Variants in SIM1 observed in about 807,000 individuals in gnomAD.
SIM1 encodes SIM bHLH transcription factor 1.
SIM1 carries 18 observed loss-of-function variants against 78.2 expected under a neutral mutation model. That is an observed-to-expected ratio of 0.23 (90% confidence interval 0.16 to 0.34). SIM1 has a LOEUF of 0.34. Ranked by LOEUF, SIM1 falls within the 10% of genes least tolerant of loss-of-function variation. The pLI is 1.00. For synonymous variants in SIM1, 417 were observed against 385.2 expected, an observed-to-expected ratio of 1.08 and a Z score of -0.97; for missense variants, 939 against 975.1, an observed-to-expected ratio of 0.96 and a Z score of 0.49.
In SIM1 at chr6:100,390,526, T is replaced by A. The variant is rs778673610; in HGVS notation, c.2136A>T (p.Thr712=). The A allele has an allele frequency of 1.2e-6, 2 of 1,614,144 alleles. No individual in the cohort carries two copies. Among genetic ancestry groups the A allele is most frequent in the Non-Finnish European group, 8.5e-7 (1 of 1,180,024 alleles). The change falls in exon 12 of 12, where the codon ACA becomes ACT. Residue 712 remains threonine (T), a synonymous_variant. Transcript: ENST00000369208. ...HRQYFDKHAY[T]LTGYALEHLY... ...AGTGCTCCAGGGCATATCCAGTTAA[T>A]GTGTAAGCATGCTTGTCAAAATACT...
At position 100,389,466 on chromosome 6, in the gene SIM1, T is replaced by G. The variant is rs915454239; in HGVS notation, c.*895A>C. ...AATTGGTTTGAATTTTTTATTTAGT[T>G]GGTTTTACAAGCAAACCCCAAATAT... On this transcript the variant is annotated 3_prime_UTR_variant, in exon 12 of 12. Transcript: ENST00000369208. The G allele has an allele frequency of 1.8e-5, 7 of 396,530 alleles. No individual in the cohort carries two copies. The highest frequency in any genetic ancestry group is 2.7e-5 in the Non-Finnish European group (6 of 225,090). The allele number at this position is 396,530 out of a possible 1,614,324, so 24.6% of individuals were successfully genotyped here.
chr6:100,423,754 G>C (rs533259908), intron 9 of SIM1, among the ~76,000 whole-genome samples: 1 of 152,320 alleles, frequency 6.6e-6, no homozygotes, highest in South Asian at 2.1e-4. Context: ...TGGGCTGTGA[G>C]TCCTCTGACC....
At chr6:100,412,555 AAAAGAAAGAAAGAAAGAAAGAAAGAAAG>A (rs761518217) in intron 10 of SIM1, among the ~76,000 whole-genome samples, 6 of 64,484 alleles carry the variant, frequency 9.3e-5, no homozygotes, top group South Asian at 6.3e-4. Context: ...AGAAAGAAAG[AAAAGAAAGAAAGAAAGAAAGAAAGAAAG>A]AAAGAAAGAA....
At chr6:100,459,948 C>T (rs1772794024) in intron 2 of SIM1, among the ~76,000 whole-genome samples, 1 of 152,118 alleles carries the variant, frequency 6.6e-6, no homozygotes, top group Non-Finnish European at 1.5e-5. Context: ...TTTGATAATA[C>T]CAAAGATTTA....
At chr6:100,404,245 C>T (rs1019709100) in intron 10 of SIM1, among the ~76,000 whole-genome samples, 1 of 152,238 alleles carries the variant, frequency 6.6e-6, no homozygotes, top group Non-Finnish European at 1.5e-5. Context: ...AGGTGCTCTG[C>T]ATTCATCTGG....
chr6:100,412,362 C>T (rs770150832), intron 10 of SIM1, among the ~76,000 whole-genome samples: 13 of 151,624 alleles, frequency 8.6e-5, no homozygotes, highest in East Asian at 3.9e-4. Context: ...CATGGCGAAA[C>T]GCTGTCTCTA....
chr6:100,424,524 C>T (rs778127729), intron 9 of SIM1, among the ~76,000 whole-genome samples: 14 of 152,124 alleles, frequency 9.2e-5, no homozygotes, highest in Non-Finnish European at 2.1e-4. Flanking sequence ...CAGCCTCAAC[C>T]TCCCCAGCTC....
Position 100,452,173 on chromosome 6 carries a change from C to T in SIM1, c.258+1589G>A, listed in dbSNP as rs568127691. Among the ~76,000 whole-genome samples, 3 of 152,328 alleles carry T rather than the reference C, an allele frequency of 2.0e-5. No homozygotes were observed. The South Asian group carries it at 6.2e-4, about 32-fold the overall frequency. On this transcript the variant is annotated intron_variant, in intron 3 of 11. Coordinates refer to ENST00000369208, the MANE Select transcript of SIM1 (RefSeq NM_005068.3). ...AGGGAAGGAGAGAATGTTAAATCAT[C>T]AGTGTCACCTCCTTCAAGTCTTAGT...
At chr6:100,416,797 A>G (rs1303393564) in intron 10 of SIM1, among the ~76,000 whole-genome samples, 1 of 152,162 alleles carries the variant, frequency 6.6e-6, no homozygotes, top group Non-Finnish European at 1.5e-5. Flanking sequence ...AAAAGATACA[A>G]GCAACAAAGG....
intron 10 of SIM1, among the ~76,000 whole-genome samples, chr6:100,419,997 G>T (rs1451768518): frequency 6.6e-6 from 1 of 152,124 alleles, no homozygotes; most frequent in African/African-American, 2.4e-5. Context: ...CTAGTGAACT[G>T]CAGGAGGTAT....
chr6:100,457,996 GTCTCTCTCTT>G (rs1562064099), intron 2 of SIM1, among the ~76,000 whole-genome samples: 15 of 107,718 alleles, frequency 1.4e-4, no homozygotes, highest in Admixed American at 2.7e-4. Flanking sequence ...ACCGCTGTCT[GTCTCTCTCTT>G]TCTCTCTCTC....
chr6:100,397,572 T>C (rs756689176), intron 10 of SIM1, among the ~76,000 whole-genome samples: 7 of 152,044 alleles, frequency 4.6e-5, no homozygotes, highest in Non-Finnish European at 8.8e-5. Flanking sequence ...ATAAAGCTTT[T>C]AGAAAATAAC....
intron 10 of SIM1, among the ~76,000 whole-genome samples, chr6:100,414,740 A>G (rs1477710970): frequency 6.6e-6 from 1 of 152,242 alleles, no homozygotes; most frequent in East Asian, 1.9e-4. Context: ...GTATAAAGGG[A>G]TAACTATGCT....
intron 9 of SIM1, among the ~76,000 whole-genome samples, chr6:100,435,538 T>A (rs1772021513): frequency 6.6e-6 from 1 of 152,086 alleles, no homozygotes; most frequent in African/African-American, 2.4e-5. Context: ...TTCCTAAGCA[T>A]GCAATGAACA....
chr6:100,413,539 G>A lies in SIM1; in HGVS notation c.1167+7251C>T, dbSNP rs572600954. Among the ~76,000 whole-genome samples the A allele has an allele frequency of 5.9e-5, 9 of 151,950 alleles. 1 individual carries two copies. The highest frequency in any genetic ancestry group is 4.2e-4 in the South Asian group (2 of 4,798). ...GCTGCCTTACTTAGAAAACTAATGC[G>A]ACTAAATCTAGCCATCCATTTACTT... On this transcript the variant is annotated intron_variant, in intron 10 of 11. Coordinates refer to ENST00000369208, the MANE Select transcript of SIM1 (RefSeq NM_005068.3).
At chr6:100,432,141 A>C (rs1043919863) in intron 9 of SIM1, among the ~76,000 whole-genome samples, 50 of 152,170 alleles carry the variant, frequency 3.3e-4, no homozygotes, top group African/African-American at 1.1e-3. Flanking sequence ...GTAACACACT[A>C]TCTCTTAAAA....
intron 10 of SIM1, among the ~76,000 whole-genome samples, chr6:100,419,024 G>A (rs921650791): frequency 6.6e-5 from 10 of 151,866 alleles, no homozygotes; most frequent in South Asian, 2.1e-4. Context: ...AAAATTAGAC[G>A]GGCGTGGTGG....
chr6:100,405,330 G>A (rs897002287), intron 10 of SIM1, among the ~76,000 whole-genome samples: 1 of 152,024 alleles, frequency 6.6e-6, no homozygotes, highest in Non-Finnish European at 1.5e-5. Flanking sequence ...TAGAGGAACT[G>A]AGCAGTAAAT....
chr6:100,442,352 T>G (rs1482266768), intron 9 of SIM1, among the ~76,000 whole-genome samples: 1 of 152,180 alleles, frequency 6.6e-6, no homozygotes, highest in African/African-American at 2.4e-5. Context: ...TAACTAAGTG[T>G]TTTGGTAGTT....
Sources: allele counts gnomAD v4.1 joint callset (sites outside exome capture counted in the v4.1 genomes callset), GRCh38; gene constraint gnomAD v4.1.1; transcripts MANE v1.5; gene names NCBI Gene and HGNC (gene_info 2026-07-23, HGNC 2026-07-21).